Variants in BCL11A observed in about 807,000 individuals in gnomAD.
BCL11A encodes BCL11 transcription factor A, also known as B cell CLL/lymphoma 11A.
In BCL11A, 2 loss-of-function variants were observed where a neutral mutation model predicts 55.9. The observed-to-expected ratio is 0.04, with a 90% CI of 0.01 to 0.11. BCL11A has a LOEUF of 0.11. Ranked by LOEUF, BCL11A falls within the 10% of genes least tolerant of loss-of-function variation. The pLI, the probability that BCL11A is intolerant of heterozygous loss-of-function variation, is 1.00. For missense variants in BCL11A, 817 were observed against 1,137.1 expected (o/e 0.72, Z 4.05); for synonymous variants, 465 against 473.4 (o/e 0.98, Z 0.23).
At chr2:60,553,191 T>G (rs1283871154) in intron 1 of BCL11A, 25 bp downstream of exon 1, 1 of 1,593,602 alleles carries the variant, frequency 6.3e-7, no homozygotes, top group Non-Finnish European at 8.5e-7. Flanking sequence ...TTAATAATTA[T>G]TATTACTATT....
chr2:60,547,104 T>C (rs79897224), intron 1 of BCL11A, among the ~76,000 whole-genome samples: 1 of 149,326 alleles, frequency 6.7e-6, no homozygotes. Flanking sequence ...CAATTAGTCA[T>C]TTTTTTTTTA....
At chr2:60,452,696 G>GA (rs551839025), downstream of BCL11A, 5,339 of 1,484,614 alleles carry the variant, frequency 3.6e-3, 6 homozygotes, top group Middle Eastern at 6.8e-3. Context: ...AGAGGAGGGG[G>GA]AAAAAAAAAG....
chr2:60,520,520 C>G (rs1318943249), intron 2 of BCL11A, among the ~76,000 whole-genome samples: 1 of 152,146 alleles, frequency 6.6e-6, no homozygotes, highest in African/African-American at 2.4e-5. Context: ...CATTTGTGTA[C>G]ACATTCGCAT....
At chr2:60,520,745 G>A (rs1050741842) in intron 2 of BCL11A, among the ~76,000 whole-genome samples, 2 of 125,300 alleles carry the variant, frequency 1.6e-5, no homozygotes, top group East Asian at 2.5e-4. Context: ...GGTCGCCTAC[G>A]GAATCTACAG....
At chr2:60,467,672 G>T (rs1327491661) in intron 3 of BCL11A, among the ~76,000 whole-genome samples, 8 of 99,842 alleles carry the variant, frequency 8.0e-5, no homozygotes, top group Non-Finnish European at 1.5e-4. Context: ...GGTACTGGTG[G>T]TGATGGTGAT....
In BCL11A at chr2:60,477,985, C is replaced by T. The variant is rs570317606; in HGVS notation, c.386-9152G>A. ...TTTTTTTTTTTTTTTTTAATTGAGA[C>T]ATGGTCTCACTCTGTTGCCCAGGCT... On this transcript the variant is annotated intron_variant, in intron 2 of 3. Coordinates refer to ENST00000642384, the MANE Select transcript of BCL11A (RefSeq NM_022893.4). Among the ~76,000 whole-genome samples the T allele has an allele frequency of 1.6e-3, 229 of 147,232 alleles. 3 individuals carry two copies. The highest frequency in any genetic ancestry group is 2.2e-3 in the Non-Finnish European group (151 of 67,232).
intron 2 of BCL11A, among the ~76,000 whole-genome samples, chr2:60,511,859 T>A (rs527971502): frequency 1.3e-5 from 2 of 152,256 alleles, no homozygotes; most frequent in Non-Finnish European, 2.9e-5. Context: ...GGAGGGAGCT[T>A]TTTTCTTTCA....
At chr2:60,537,848 C>G (rs1324416596) in intron 2 of BCL11A, 1 of 152,138 alleles carries the variant, frequency 6.6e-6, no homozygotes, top group Non-Finnish European at 1.5e-5. Flanking sequence ...TTGAAGGCAC[C>G]CTTGCAGGTT....
chr2:60,454,058 G>A (rs1675832987), downstream of BCL11A, among the ~76,000 whole-genome samples: 1 of 152,098 alleles, frequency 6.6e-6, no homozygotes. Flanking sequence ...GAGAGAGAGA[G>A]AGAGAAACAG....
intron 2 of BCL11A, chr2:60,541,724 T>A (rs780236766): frequency 1.9e-6 from 1 of 518,206 alleles, no homozygotes; most frequent in Non-Finnish European, 3.4e-6. Flanking sequence ...TGTTCACCAG[T>A]ATATTGTTTT....
chr2:60,457,592 T>C lies in BCL11A; in HGVS notation c.*2812A>G. On this transcript the variant is annotated 3_prime_UTR_variant, in exon 4 of 4. Transcript: ENST00000642384. ...AAAGCGGGCTTTCTCTTTAATATGC[T>C]TTGCATATGAAATTCTTTCCAATCT... 1 of 1,045,806 alleles carries C rather than the reference T, an allele frequency of 9.6e-7. No individual in the cohort carries two copies. Among genetic ancestry groups the C allele is most frequent in the Non-Finnish European group, 1.2e-6 (1 of 866,854 alleles). 64.8% of individuals were successfully genotyped at this position (1,045,806 alleles called of 1,614,324 possible).
At chr2:60,537,945 A>C (rs967747216) in intron 2 of BCL11A, 7 of 152,236 alleles carry the variant, frequency 4.6e-5, no homozygotes, top group African/African-American at 1.7e-4. Context: ...TTGTAGGTGC[A>C]ATTGTTCATT....
intron 3 of BCL11A, among the ~76,000 whole-genome samples, chr2:60,467,846 A>G (rs1176537901): frequency 2.6e-4 from 16 of 61,546 alleles, no homozygotes; most frequent in South Asian, 5.4e-4. Flanking sequence ...GGTGGTGGTG[A>G]TGCTACTGGT....
intron 2 of BCL11A, among the ~76,000 whole-genome samples, chr2:60,475,064 A>C (rs745676694): frequency 1.2e-4 from 18 of 152,224 alleles, no homozygotes; most frequent in Non-Finnish European, 2.2e-4. Flanking sequence ...TATCCTAGAT[A>C]AAAAGAAAAA....
intron 2 of BCL11A, among the ~76,000 whole-genome samples, chr2:60,506,207 A>C (rs1679582844): frequency 6.6e-6 from 1 of 152,078 alleles, no homozygotes; most frequent in Non-Finnish European, 1.5e-5. Flanking sequence ...AAATGCCAGC[A>C]CTCCCACTTT....
At chr2:60,481,955 G>A (rs1192204323) in intron 2 of BCL11A, among the ~76,000 whole-genome samples, 2 of 152,118 alleles carry the variant, frequency 1.3e-5, no homozygotes, top group African/African-American at 4.8e-5. Flanking sequence ...GACCTTCTCC[G>A]GAACCTCTGG....
intron 2 of BCL11A, chr2:60,534,364 G>C (rs1669581798): frequency 6.6e-6 from 1 of 152,212 alleles, no homozygotes; most frequent in Non-Finnish European, 1.5e-5. Flanking sequence ...TCTATCTAAA[G>C]AAGAAACCTA....
At chr2:60,482,213 G>A (rs1678001295) in intron 2 of BCL11A, among the ~76,000 whole-genome samples, 1 of 151,934 alleles carries the variant, frequency 6.6e-6, no homozygotes, top group South Asian at 2.1e-4. Flanking sequence ...TTTTGTTCGG[G>A]TTGTGGTTTC....
chr2:60,543,861 A>T (rs1670034877), intron 2 of BCL11A: 1 of 152,238 alleles, frequency 6.6e-6, no homozygotes, highest in South Asian at 2.1e-4. Context: ...ATTGATTATT[A>T]GCGCTATAAA....
Sources: allele counts gnomAD v4.1 joint callset (sites outside exome capture counted in the v4.1 genomes callset), GRCh38; gene constraint gnomAD v4.1.1; transcripts MANE v1.5; gene names NCBI Gene and HGNC (gene_info 2026-07-23, HGNC 2026-07-21).